The following COL19A1 variants were observed in gnomAD, a reference collection of about 807,000 sequenced individuals.
COL19A1 encodes collagen alpha-1(XIX) chain.
In COL19A1, 159 loss-of-function variants were observed where a neutral mutation model predicts 190.2. That is an observed-to-expected ratio of 0.84 (90% CI 0.73 to 0.95). The LOEUF (loss-of-function observed/expected upper bound fraction) is 0.95, where lower values mean the gene tolerates loss of function less well. COL19A1 is among the 40% of genes least tolerant of loss of function. The pLI is 0.00. For missense variants in COL19A1, 1,418 were observed against 1,431.9 expected, an observed-to-expected ratio of 0.99 and a Z score of 0.16; for synonymous variants, 509 against 458.9, an observed-to-expected ratio of 1.11 and a Z score of -1.39.
At chr6:69,972,438 T>C (rs1359070149) in intron 11 of COL19A1, among the ~76,000 whole-genome samples, 1 of 152,220 alleles carries the variant, frequency 6.6e-6, no homozygotes, top group African/African-American at 2.4e-5. Flanking sequence ...CCTAGTTGAA[T>C]GCCTAGCACA....
intron 1 of COL19A1, chr6:69,867,482 C>G (rs913559626): frequency 2.0e-5 from 3 of 152,380 alleles, no homozygotes; most frequent in Non-Finnish European, 4.4e-5. Flanking sequence ...CCGAGGCCAC[C>G]GCCGAGAGCG....
chr6:70,082,323 A>G (rs556832464), intron 15 of COL19A1, among the ~76,000 whole-genome samples: 33 of 152,240 alleles, frequency 2.2e-4, no homozygotes, highest in African/African-American at 7.2e-4. Flanking sequence ...TTACTTCAAA[A>G]TTTCTTCTTC....
At chr6:69,976,437 C>A (rs981401277) in intron 11 of COL19A1, among the ~76,000 whole-genome samples, 1 of 152,162 alleles carries the variant, frequency 6.6e-6, no homozygotes, top group Non-Finnish European at 1.5e-5. Context: ...TTACCAGATA[C>A]TGTGTTCAGC....
intron 15 of COL19A1, among the ~76,000 whole-genome samples, chr6:70,080,269 G>A (rs958675127): frequency 2.0e-5 from 3 of 152,146 alleles, no homozygotes; most frequent in African/African-American, 7.2e-5. Flanking sequence ...CTCATGAACA[G>A]CGAGCCCAAC....
chr6:69,986,447 G>A (rs1776322451), intron 11 of COL19A1, among the ~76,000 whole-genome samples: 1 of 151,840 alleles, frequency 6.6e-6, no homozygotes, highest in Non-Finnish European at 1.5e-5. Flanking sequence ...CAATCTCGTG[G>A]GTGCTTAAAA....
At chr6:69,988,944 T>C (rs1372286159) in intron 11 of COL19A1, among the ~76,000 whole-genome samples, 2 of 152,206 alleles carry the variant, frequency 1.3e-5, no homozygotes, top group South Asian at 4.1e-4. Flanking sequence ...TTTCTATTTG[T>C]GCTGATAACA....
At position 70,156,116 on chromosome 6, in the gene COL19A1, A is replaced by C; in HGVS notation, c.2080-11A>C. 3.1e-6 allele frequency: 5 copies of C among 1,611,196 alleles called. No individual in the cohort carries two copies. Among genetic ancestry groups the C allele is most frequent in the Non-Finnish European group, 4.2e-6 (5 of 1,178,442 alleles). Reference sequence around the variant, plus strand: ...TGACTCCCTCAGTAACCTTATCTTTATACTCATTAGAATTTCTGTGGCAAC... The same window carrying C: ...TGACTCCCTCAGTAACCTTATCTTTCTACTCATTAGAATTTCTGTGGCAAC... On this transcript the variant is annotated splice_polypyrimidine_tract_variant and intron_variant, in intron 31 of 50. Coordinates refer to ENST00000620364, the MANE Select transcript of COL19A1 (RefSeq NM_001858.6).
At chr6:70,123,876 G>A (rs1785037008) in intron 17 of COL19A1, among the ~76,000 whole-genome samples, 1 of 150,742 alleles carries the variant, frequency 6.6e-6, no homozygotes. Context: ...ACGAGTTAGT[G>A]GGTGCAGCAC....
chr6:70,053,813 C>G (rs1780345766), intron 14 of COL19A1, among the ~76,000 whole-genome samples: 3 of 152,056 alleles, frequency 2.0e-5, no homozygotes. Context: ...ATAAACAATG[C>G]AACTACATTT....
At chr6:70,142,842 T>G in intron 23 of COL19A1, 22 bp downstream of exon 23, 1 of 1,600,014 alleles carries the variant, frequency 6.2e-7, no homozygotes. Context: ...GTCTTTGATA[T>G]TTCTGGAATT....
At chr6:69,916,492 A>G (rs1046427099) in intron 4 of COL19A1, among the ~76,000 whole-genome samples, 6 of 152,180 alleles carry the variant, frequency 3.9e-5, no homozygotes, top group Non-Finnish European at 7.4e-5. Flanking sequence ...AGTAATTTCT[A>G]TTTTGAAGTC....
chr6:69,971,878 AT>A (rs1434265407), intron 11 of COL19A1, among the ~76,000 whole-genome samples: 13 of 152,120 alleles, frequency 8.5e-5, no homozygotes, highest in African/African-American at 2.9e-4. Context: ...TTTCTCATTC[AT>A]TTTCCAAATT....
chr6:70,163,284 A>C lies in COL19A1; in HGVS notation c.2347-59A>C. On this transcript the variant is annotated intron_variant, in intron 35 of 50. Coordinates refer to ENST00000620364, the MANE Select transcript of COL19A1 (RefSeq NM_001858.6). Reference sequence around the variant, plus strand: ...GTGTAAGTTTTAGTAACCAACTTCCAATACCCTTTGGCCATTTAATTGTTG... The same window carrying C: ...GTGTAAGTTTTAGTAACCAACTTCCCATACCCTTTGGCCATTTAATTGTTG... The C allele has an allele frequency of 2.0e-6, 3 of 1,508,474 alleles. No homozygotes were observed. The South Asian group carries it at 3.5e-5, about 18-fold the overall frequency. The allele number at this position is 1,508,474 out of a possible 1,614,324, so 93.4% of individuals were successfully genotyped here.
intron 9 of COL19A1, among the ~76,000 whole-genome samples, chr6:69,952,799 A>G (rs1774196937): frequency 1.3e-5 from 2 of 152,014 alleles, no homozygotes; most frequent in Admixed American, 6.6e-5. Context: ...CTAAAAAGAC[A>G]TTTTATGAGA....
chr6:70,123,139 T>A (rs556688937), intron 17 of COL19A1, among the ~76,000 whole-genome samples: 1 of 152,030 alleles, frequency 6.6e-6, no homozygotes, highest in South Asian at 2.1e-4. Flanking sequence ...CATCAAAAAG[T>A]GGGTGAAGGA....
chr6:70,144,584 A>T (rs1303563540), intron 24 of COL19A1, among the ~76,000 whole-genome samples: 3 of 152,208 alleles, frequency 2.0e-5, no homozygotes, highest in African/African-American at 7.2e-5. Flanking sequence ...GAAACAGTGC[A>T]TTAACGTTGA....
At position 70,068,083 on chromosome 6, in the gene COL19A1, G is replaced by T. The variant is rs921275632; in HGVS notation, c.1171-340G>T. On this transcript the variant is annotated intron_variant, in intron 14 of 50. Coordinates refer to ENST00000620364, the MANE Select transcript of COL19A1 (RefSeq NM_001858.6). ...TATTTATAGAGTTTAAATGTATAAAGAGGTATCTTTTTCTGCTTGCAAATA... is the reference window on the plus strand; with the variant it reads ...TATTTATAGAGTTTAAATGTATAAATAGGTATCTTTTTCTGCTTGCAAATA... Among the ~76,000 whole-genome samples, 4 of 152,062 alleles carry T rather than the reference G, an allele frequency of 2.6e-5. No homozygotes were observed. In the Middle Eastern group the frequency reaches 0.01, roughly 388 times the overall value.
chr6:70,187,151 A>AT (rs1266660789), intron 46 of COL19A1, among the ~76,000 whole-genome samples: 1 of 152,146 alleles, frequency 6.6e-6, no homozygotes, highest in Non-Finnish European at 1.5e-5. Context: ...AAGTGCTGTG[A>AT]TTACAGGCGT....
intron 40 of COL19A1, among the ~76,000 whole-genome samples, chr6:70,170,844 C>A (rs1231320114): frequency 1.3e-5 from 2 of 152,088 alleles, no homozygotes; most frequent in Non-Finnish European, 2.9e-5. Context: ...AGTTATATCC[C>A]TGGTAATATT....
Sources: gnomAD v4.1 joint callset for allele counts (sites outside exome capture counted in the v4.1 genomes callset) on GRCh38, gnomAD v4.1.1 for gene constraint, MANE v1.5 for transcripts, NCBI Gene and HGNC (gene_info 2026-07-23, HGNC 2026-07-21) for gene names.